The following VWA5A variants were observed in gnomAD, a reference collection of about 807,000 sequenced individuals.
The protein encoded by VWA5A is von Willebrand factor A domain containing 5A, also known as von Willebrand factor A domain-containing protein 5A.
A neutral mutation model predicts 84.6 loss-of-function variants in VWA5A; 77 were observed. That is an observed-to-expected ratio of 0.91 (90% CI 0.76 to 1.10). VWA5A has a LOEUF of 1.10. Among genes scored for constraint, VWA5A ranks in the 50% least tolerant of loss-of-function variants. The pLI, the probability that VWA5A is intolerant of heterozygous loss-of-function variation, is 0.00. For synonymous variants in VWA5A, 334 were observed against 350.1 expected, an observed-to-expected ratio of 0.95 and a Z score of 0.51; for missense variants, 973 against 963.0, an observed-to-expected ratio of 1.01 and a Z score of -0.14.
rs1298907378 is a variant in VWA5A, at chr11:124,124,677, C to T, written c.1244+361C>T. The T allele has an allele frequency of 7.2e-6, 4 of 555,218 alleles. No individual in the cohort carries two copies. In the African/African-American group the frequency reaches 8.3e-5, roughly 12 times the overall value. 34.4% of individuals were successfully genotyped at this position (555,218 alleles called of 1,614,324 possible). On this transcript the variant is annotated intron_variant, in intron 11 of 18. Coordinates refer to ENST00000456829, the MANE Select transcript of VWA5A (RefSeq NM_001130142.2). ...TATCACAGTGAATGCACTGTGTGAT[C>T]GCCACATAGGTAAAAACTGGAATGG...
At chr11:124,116,461 A>G (rs1864831690) in intron 1 of VWA5A, 105 bp from the exon 2 acceptor site, 1 of 152,156 alleles carries the variant, frequency 6.6e-6, no homozygotes, top group African/African-American at 2.4e-5. Flanking sequence ...CTTGGTGAGT[A>G]TTGCCCAGCC....
In VWA5A at chr11:124,123,398, T is replaced by G. The variant is rs1864964258; in HGVS notation, c.963T>G (p.Pro321=). Reference sequence around the variant, plus strand: ...TGATTTTGCTGCTGAAGAGTTTACCTATAGGCTGTTATTTCAACATCTATG... The same window carrying G: ...TGATTTTGCTGCTGAAGAGTTTACCGATAGGCTGTTATTTCAACATCTATG... ...ETLILLLKSL[P]IGCYFNIYGF... Residue 321 remains proline (P), a synonymous_variant, in exon 9 of 19, where the codon CCT becomes CCG. Transcript: ENST00000456829. 6.2e-7 allele frequency: 1 copy of G among 1,613,956 alleles called. No individual in the cohort carries two copies. The highest frequency in any genetic ancestry group is 1.1e-5 in the South Asian group (1 of 91,040).
chr11:124,123,173 A>G (rs1178145857), intron 8 of VWA5A, 44 bp downstream of exon 8: 2 of 1,589,542 alleles, frequency 1.3e-6, no homozygotes, highest in South Asian at 1.2e-5. Flanking sequence ...TGCTCAAGTG[A>G]GGATGAATCT....
Position 124,118,433 on chromosome 11 carries a change from A to G in VWA5A, c.469+22A>G, listed in dbSNP as rs771507549. The G allele has an allele frequency of 4.3e-6, 7 of 1,612,650 alleles. No homozygotes were observed. The South Asian group carries it at 4.4e-5, about 10-fold the overall frequency. ...TCTGGTGAGTACCTCTCCCCTTTGA[A>G]TTCTAGTGGTGGGTGACATAAATGG... On this transcript the variant is annotated intron_variant, in intron 5 of 18. Transcript: ENST00000456829.
chr11:124,145,403 C>A, intron 18 of VWA5A, 40 bp downstream of exon 18: 1 of 1,568,920 alleles, frequency 6.4e-7, no homozygotes, highest in Non-Finnish European at 8.6e-7. Context: ...TTCCCCTTCC[C>A]TGGCCTGGCG....
chr11:124,134,834 C>A, intron 11 of VWA5A, 86 bp from the exon 12 acceptor site: 1 of 933,006 alleles, frequency 1.1e-6, no homozygotes, highest in Non-Finnish European at 1.6e-6. Flanking sequence ...AGACTATTTC[C>A]TTATGTATTT....
intron 17 of VWA5A, 122 bp from the exon 18 acceptor site, chr11:124,145,115 G>A: frequency 7.8e-7 from 1 of 1,283,764 alleles, no homozygotes; most frequent in Non-Finnish European, 1.0e-6. Flanking sequence ...TGGAGGTAAA[G>A]AGAGACCAGG....
At position 124,123,433 on chromosome 11, in the gene VWA5A, C is replaced by T. The variant is rs755325870; in HGVS notation, c.998C>T (p.Ser333Phe). 1.2e-6 allele frequency: 2 copies of T among 1,614,026 alleles called. No homozygotes were observed. The highest frequency in any genetic ancestry group is 8.5e-7 in the Non-Finnish European group (1 of 1,180,016). ...TATTTCAACATCTATGGATTTGGCT[C>T]TTCCTATGAGGCATGCTTTCCGTAA... is the stretch of plus-strand genomic sequence containing the variant. ...GCYFNIYGFG[S>F]SYEACFPESV... The change falls in exon 9 of 19, where the codon TCT (serine) becomes TTT (phenylalanine). Residue 333 changes from serine to phenylalanine, a missense_variant. Transcript: ENST00000456829.
rs563471328 is a variant in VWA5A, at chr11:124,123,958, T to C, written c.1164+154T>C. On this transcript the variant is annotated intron_variant, in intron 10 of 18. Coordinates refer to ENST00000456829, the MANE Select transcript of VWA5A (RefSeq NM_001130142.2). ...AGAAAAAAAAAAGATGATGCATTTGTCTTCTTCCTTAACTCCATGCGATGG... is the reference window on the plus strand; with the variant it reads ...AGAAAAAAAAAAGATGATGCATTTGCCTTCTTCCTTAACTCCATGCGATGG... 62 of 1,202,982 alleles carry C rather than the reference T, an allele frequency of 5.2e-5. 1 individual carries two copies. The South Asian group carries it at 9.1e-4, about 18-fold the overall frequency. 74.5% of individuals were successfully genotyped at this position (1,202,982 alleles called of 1,614,324 possible).
At chr11:124,139,708 T>C (rs1006991627) in intron 15 of VWA5A, among the ~76,000 whole-genome samples, 1 of 152,106 alleles carries the variant, frequency 6.6e-6, no homozygotes, top group African/African-American at 2.4e-5. Flanking sequence ...GTAGAGTCTT[T>C]AGGGTTTTCT....
chr11:124,116,386 A>G (rs1384353063), intron 1 of VWA5A, 180 bp from the exon 2 acceptor site: 3 of 152,338 alleles, frequency 2.0e-5, no homozygotes, highest in Non-Finnish European at 2.9e-5. Flanking sequence ...GCTTAGAATC[A>G]GGAAGCGAAG....
At chr11:124,128,965 C>T (rs1258546479) in intron 11 of VWA5A, among the ~76,000 whole-genome samples, 1 of 152,082 alleles carries the variant, frequency 6.6e-6, no homozygotes, top group South Asian at 2.1e-4. Flanking sequence ...ATTTGAATAC[C>T]CTTTATTTCT....
rs139163787 is a variant in VWA5A at position 124,132,388 on chromosome 11, G to A, written c.1245-2532G>A. Among the ~76,000 whole-genome samples the A allele has an allele frequency of 2.0e-3, 307 of 152,028 alleles. 1 individual carries two copies. The highest frequency in any genetic ancestry group is 7.0e-3 in the African/African-American group (292 of 41,516). ...TTGCCTTTTTTCCTTGCTCCAAAAGGTTTTCTTTCATAAATATTTATTAGA... is the reference window on the plus strand; with the variant it reads ...TTGCCTTTTTTCCTTGCTCCAAAAGATTTTCTTTCATAAATATTTATTAGA... On this transcript the variant is annotated intron_variant, in intron 11 of 18. Coordinates refer to ENST00000456829, the MANE Select transcript of VWA5A (RefSeq NM_001130142.2).
At chr11:124,126,594 A>C (rs1296155799) in intron 11 of VWA5A, among the ~76,000 whole-genome samples, 3 of 152,126 alleles carry the variant, frequency 2.0e-5, no homozygotes, top group Non-Finnish European at 4.4e-5. Flanking sequence ...CCCTGTCTCT[A>C]CTAAAAATAC....
chr11:124,139,379 G>T (rs919913109), intron 15 of VWA5A, among the ~76,000 whole-genome samples: 1 of 151,852 alleles, frequency 6.6e-6, no homozygotes, highest in African/African-American at 2.4e-5. Flanking sequence ...AATTGCTTTG[G>T]GTATTATGGC....
intron 11 of VWA5A, among the ~76,000 whole-genome samples, chr11:124,128,544 G>T (rs1865052330): frequency 6.6e-6 from 1 of 151,848 alleles, no homozygotes; most frequent in Admixed American, 6.6e-5. Flanking sequence ...TTCTAATTCT[G>T]TGAAGAAAGT....
Position 124,140,822 on chromosome 11 carries a change from A to C in VWA5A, c.1880-776A>C, listed in dbSNP as rs1326874330. On this transcript the variant is annotated intron_variant, in intron 15 of 18. Transcript: ENST00000456829. ...AGGCTGGTAGCAAGTTTGTAGGCTC[A>C]AGTGATCTTCCCACCTCAGCCTCCT... Among the ~76,000 whole-genome samples, 3 of 152,132 alleles carry C rather than the reference A, an allele frequency of 2.0e-5. 1 individual carries two copies. Among genetic ancestry groups the C allele is most frequent in the Non-Finnish European group, 4.4e-5 (3 of 68,022 alleles).
intron 11 of VWA5A, among the ~76,000 whole-genome samples, chr11:124,125,347 A>G (rs1359211916): frequency 6.7e-6 from 1 of 149,410 alleles, no homozygotes; most frequent in Non-Finnish European, 1.5e-5. Context: ...CAGTGGCGCT[A>G]TCTCGGCTCC....
chr11:124,130,465 G>C (rs928228506), intron 11 of VWA5A, among the ~76,000 whole-genome samples: 1 of 152,140 alleles, frequency 6.6e-6, no homozygotes, highest in Middle Eastern at 3.2e-3. Context: ...TTGATTAGGG[G>C]CAGAGAGTTC....
Sources: allele counts gnomAD v4.1 joint callset (sites outside exome capture counted in the v4.1 genomes callset), GRCh38; gene constraint gnomAD v4.1.1; transcripts MANE v1.5; gene names NCBI Gene and HGNC (gene_info 2026-07-23, HGNC 2026-07-21).